The following DIS3L2 variants were observed in gnomAD, a reference collection of about 807,000 sequenced individuals.
DIS3L2 encodes the protein DIS3-like exonuclease 2.
Under a neutral mutation model 97.5 loss-of-function variants are expected in DIS3L2, and 34 were observed. The ratio of observed to expected loss-of-function variants is 0.35; its 90% CI spans 0.27 to 0.46. The LOEUF is 0.46. Among genes scored for constraint, DIS3L2 ranks in the 20% least tolerant of loss-of-function variants. The probability of loss-of-function intolerance (pLI) is 1.00; values close to 1 mark genes in which losing one functional copy is unlikely to be tolerated. For synonymous variants in DIS3L2, 435 were observed against 445.2 expected (o/e 0.98, Z 0.29); for missense variants, 1,038 against 1,146.0 (o/e 0.91, Z 1.36).
intron 17 of DIS3L2, 101 bp downstream of exon 17, chr2:232,334,088 C>A: frequency 5.4e-6 from 8 of 1,489,834 alleles, no homozygotes; most frequent in Non-Finnish European, 7.1e-6. Flanking sequence ...GCCGTGACAG[C>A]GGAGGTCCAA....
At chr2:232,248,469 G>GAA (rs1457788967) in intron 11 of DIS3L2, among the ~76,000 whole-genome samples, 1 of 103,844 alleles carries the variant, frequency 9.6e-6, no homozygotes, top group Non-Finnish European at 2.0e-5. Context: ...GAGATACAGA[G>GAA]ATATTCATTT....
chr2:232,300,072 C>G lies in DIS3L2; in HGVS notation c.1692C>G (p.Thr564=), dbSNP rs746593311. The change falls in exon 14 of 21, where the codon ACC becomes ACG. Residue 564 remains threonine (T), a synonymous_variant. Transcript: ENST00000325385. ...LKLAFTLDHE[T]GLPQGCHIYE... Reference sequence around the variant, plus strand: ...TTGCTTTCACTCTGGACCACGAGACCGGATTGCCTCAAGGATGTCATATCT... The same window carrying G: ...TTGCTTTCACTCTGGACCACGAGACGGGATTGCCTCAAGGATGTCATATCT... 1.9e-6 allele frequency: 3 copies of G among 1,613,894 alleles called. No homozygotes were observed. The highest frequency in any genetic ancestry group is 1.3e-5 in the African/African-American group (1 of 75,028).
rs144436148 is a variant in DIS3L2 at position 232,080,618 on chromosome 2, G to A, written c.367-6869G>A. ...CTTTCTTTTCTTCTTTAAAAATACA[G>A]GGCTGGGCATGGTGGCTCAAACCTG... On this transcript the variant is annotated intron_variant, in intron 5 of 20. Transcript: ENST00000325385. Among the ~76,000 whole-genome samples the A allele has an allele frequency of 3.9e-3, 587 of 151,692 alleles. 3 individuals carry two copies. Among genetic ancestry groups the A allele is most frequent in the African/African-American group, 0.013 (556 of 41,396 alleles).
At chr2:232,140,401 A>G (rs1390834943) in intron 8 of DIS3L2, among the ~76,000 whole-genome samples, 1 of 152,168 alleles carries the variant, frequency 6.6e-6, no homozygotes, top group Non-Finnish European at 1.5e-5. Context: ...AGTAGATGGA[A>G]ATGGATTGAT....
intron 10 of DIS3L2, among the ~76,000 whole-genome samples, chr2:232,223,092 G>A (rs549259567): frequency 7.9e-5 from 12 of 152,300 alleles, no homozygotes; most frequent in African/African-American, 2.9e-4. Flanking sequence ...GGACTGTTGT[G>A]TGTTCATCAG....
intron 7 of DIS3L2, among the ~76,000 whole-genome samples, chr2:232,135,550 G>A (rs1698332156): frequency 6.6e-6 from 1 of 152,316 alleles, no homozygotes; most frequent in East Asian, 1.9e-4. Context: ...AGAAGGAAGA[G>A]TTAAGAGGAA....
At chr2:232,057,622 G>T (rs1444294573) in intron 5 of DIS3L2, among the ~76,000 whole-genome samples, 1 of 152,012 alleles carries the variant, frequency 6.6e-6, no homozygotes, top group East Asian at 1.9e-4. Flanking sequence ...CTTCCGTTAG[G>T]ACCCTAATCG....
intron 6 of DIS3L2, among the ~76,000 whole-genome samples, chr2:232,108,990 A>T (rs567866227): frequency 1.2e-4 from 18 of 152,334 alleles, no homozygotes; most frequent in South Asian, 4.1e-4. Flanking sequence ...GCCCAAAACA[A>T]TTTTTAGATT....
intron 5 of DIS3L2, among the ~76,000 whole-genome samples, chr2:232,077,957 CTTTCTTTCTTTCTTT>C (rs1559602102): frequency 6.2e-4 from 20 of 32,078 alleles, no homozygotes; most frequent in Non-Finnish European, 1.0e-3. Flanking sequence ...CTTTCTTTCT[CTTTCTTTCTTTCTTT>C]CTTTCTTTCT....
At chr2:232,126,915 G>T (rs1322489336) in intron 6 of DIS3L2, among the ~76,000 whole-genome samples, 3 of 152,110 alleles carry the variant, frequency 2.0e-5, no homozygotes, top group Non-Finnish European at 4.4e-5. Context: ...CACAAGTTCT[G>T]GCCTTTGTCT....
chr2:232,330,874 C>T lies in DIS3L2; in HGVS notation c.2010+98C>T. On this transcript the variant is annotated intron_variant, in intron 16 of 20. Coordinates refer to ENST00000325385, the MANE Select transcript of DIS3L2 (RefSeq NM_152383.5). ...CAAGCACAGGCCCCCACCGTTCCTGCCTGCTCTGGACATGGCTGGGTGGAC... is the reference window on the plus strand; with the variant it reads ...CAAGCACAGGCCCCCACCGTTCCTGTCTGCTCTGGACATGGCTGGGTGGAC... The T allele has an allele frequency of 3.2e-6, 4 of 1,254,646 alleles. No homozygotes were observed. In the South Asian group the frequency reaches 4.8e-5, roughly 15 times the overall value. 77.7% of individuals were successfully genotyped at this position (1,254,646 alleles called of 1,614,324 possible). A position where few individuals can be genotyped will look rare whatever the true frequency, so the allele number is the denominator to read the frequency against.
At chr2:232,060,110 T>A (rs1695662171) in intron 5 of DIS3L2, among the ~76,000 whole-genome samples, 1 of 152,200 alleles carries the variant, frequency 6.6e-6, no homozygotes, top group Non-Finnish European at 1.5e-5. Flanking sequence ...TGCGAAATAG[T>A]TTGCAGATAT....
rs1202218477 is a variant in DIS3L2, at chr2:232,210,378, G to T, written c.1177G>T (p.Ala393Ser). The change falls in exon 10 of 21, where the codon GCC (alanine) becomes TCC (serine). Residue 393 changes from alanine to serine, a missense_variant. By Grantham distance (99) the Ala-to-Ser change is moderately conservative. Transcript: ENST00000325385. ...DPSTARDLDD[A>S]LSCKPLADGN... The stretch of plus-strand genomic sequence containing the variant: ...ATCAACCGCCCGAGACCTCGATGAT[G>T]CCCTCTCCTGCAAGCCACTCGCTGA... 2.5e-6 allele frequency: 4 copies of T among 1,613,428 alleles called. No individual in the cohort carries two copies. The African/African-American group carries it at 4.0e-5, about 16-fold the overall frequency.
At chr2:232,265,968 G>A (rs943987688) in intron 13 of DIS3L2, among the ~76,000 whole-genome samples, 2 of 152,184 alleles carry the variant, frequency 1.3e-5, no homozygotes, top group African/African-American at 4.8e-5. Flanking sequence ...AACATTTAGT[G>A]ATGGGTTTGT....
rs1226443409 is a variant in DIS3L2, at chr2:232,163,689, A to AG, written c.1124+61dup. 3 of 1,554,194 alleles carry AG rather than the reference A, an allele frequency of 1.9e-6. No homozygotes were observed. The East Asian group carries it at 6.9e-5, about 36-fold the overall frequency. On this transcript the variant is annotated intron_variant, in intron 9 of 20. Coordinates refer to ENST00000325385, the MANE Select transcript of DIS3L2 (RefSeq NM_152383.5). ...TCTCCCTTTCTGCCTTAACTTTCCT[A>AG]GGGGCTAGGCTTAGATGTTTTCATC...
intron 12 of DIS3L2, among the ~76,000 whole-genome samples, chr2:232,249,604 A>G (rs1293146009): frequency 6.6e-6 from 1 of 152,188 alleles, no homozygotes; most frequent in Non-Finnish European, 1.5e-5. Flanking sequence ...GAGTAAGCAG[A>G]GTGATGCCGG....
chr2:232,301,835 C>CTTTT (rs557282669), intron 14 of DIS3L2, among the ~76,000 whole-genome samples: 4 of 105,486 alleles, frequency 3.8e-5, no homozygotes, highest in Admixed American at 1.0e-4. Context: ...TAGCCTAGCT[C>CTTTT]TTTTTTTTTT....
Position 232,208,251 on chromosome 2 carries a change from G to A in DIS3L2, c.1125-2075G>A, listed in dbSNP as rs7583563. Among the ~76,000 whole-genome samples the A allele has an allele frequency of 2.3e-3, 345 of 151,652 alleles. 4 individuals are homozygous for A. The highest frequency in any genetic ancestry group is 8.1e-3 in the African/African-American group (334 of 41,330). ...TCTGTCTTATCTCTGTTTTCATTCC[G>A]TTCCGTTCCTCTCCTCTTCTTCTCC... On this transcript the variant is annotated intron_variant, in intron 9 of 20. Transcript: ENST00000325385.
chr2:232,079,336 C>T (rs1574857572), intron 5 of DIS3L2, among the ~76,000 whole-genome samples: 2 of 151,986 alleles, frequency 1.3e-5, no homozygotes, highest in Admixed American at 6.5e-5. Flanking sequence ...GTGGCTCACA[C>T]CTGTAATCCC....
Sources: gnomAD v4.1 joint callset for allele counts (sites outside exome capture counted in the v4.1 genomes callset) on GRCh38, gnomAD v4.1.1 for gene constraint, MANE v1.5 for transcripts, NCBI Gene and HGNC (gene_info 2026-07-23, HGNC 2026-07-21) for gene names.